The following PLEKHH3 variants were observed in gnomAD, a reference collection of about 807,000 sequenced individuals.
PLEKHH3 encodes pleckstrin homology, MyTH4 and FERM domain containing H3.
Under a neutral mutation model 77.8 loss-of-function variants are expected in PLEKHH3, and 57 were observed. That is an observed-to-expected ratio of 0.73 (90% CI 0.59 to 0.91). The LOEUF (loss-of-function observed/expected upper bound fraction) is 0.91, where lower values mean the gene tolerates loss of function less well. Ranked by LOEUF, PLEKHH3 falls within the 40% of genes least tolerant of loss-of-function variation. PLEKHH3 has a pLI of 0.00. For missense variants in PLEKHH3, 1,082 were observed against 1,091.2 expected, an observed-to-expected ratio of 0.99 and a Z score of 0.12; for synonymous variants, 467 against 504.8, an observed-to-expected ratio of 0.93 and a Z score of 1.00.
At position 42,672,066 on chromosome 17, in the gene PLEKHH3, C is replaced by T. The variant is rs1335637628; in HGVS notation, c.1076+20G>A. ...GGTAGCTCCTCGCCTAGGCCGTAAC[C>T]CCCACCTCGCCCCTCTCACCTCTCC... On this transcript the variant is annotated intron_variant, in intron 7 of 12. Coordinates refer to ENST00000591022, the MANE Select transcript of PLEKHH3 (RefSeq NM_024927.5). 2 of 1,453,394 alleles carry T rather than the reference C, an allele frequency of 1.4e-6. No individual in the cohort carries two copies. The highest frequency in any genetic ancestry group is 2.5e-5 in the East Asian group (1 of 40,010). 90.0% of individuals were successfully genotyped at this position (1,453,394 alleles called of 1,614,324 possible). A position where few individuals can be genotyped will look rare whatever the true frequency, so the allele number is the denominator to read the frequency against.
At chr17:42,674,087 C>A in intron 2 of PLEKHH3, 74 bp from the exon 3 acceptor site, 1 of 1,467,338 alleles carries the variant, frequency 6.8e-7, no homozygotes, top group Non-Finnish European at 9.4e-7. Flanking sequence ...CTCCCCAGAC[C>A]GCACGGGTGT....
rs1442670935 is a variant in PLEKHH3, at chr17:42,672,330, C to G, written c.832G>C (p.Glu278Gln). 1 of 1,547,032 alleles carries G rather than the reference C, an allele frequency of 6.5e-7. No individual in the cohort carries two copies. Among genetic ancestry groups the G allele is most frequent in the Admixed American group, 2.0e-5 (1 of 50,914 alleles). ...VRLFLALQALEGARRPGPLMQ... is the reference protein window; with the variant it reads ...VRLFLALQALQGARRPGPLMQ... ...AAGGGCCCGGGGCGCCGCGCCCCCT[C>G]CAGCGCCTGCAGCGCCAAGAACAGC... is the stretch of plus-strand genomic sequence containing the variant. The change falls in exon 7 of 13, where the codon GAG becomes CAG. Residue 278 changes from glutamate (E) to glutamine (Q), a missense_variant. By Grantham distance (29) the Glu-to-Gln change is conservative. Around this residue, in one of 3 missense-constraint regions of PLEKHH3, gnomAD observed 733 missense variants for 750.0 expected, o/e 0.98. Coordinates refer to ENST00000591022, the MANE Select transcript of PLEKHH3 (RefSeq NM_024927.5).
In PLEKHH3 at chr17:42,673,413, G is replaced by A. The variant is rs202069370; in HGVS notation, c.634C>T (p.Leu212Phe). ...CTGGTGTGTACCTGTATGTCCCTGAGCAGTAGCTGGGTGGGGGTCTCCAGG... is the reference window on the plus strand; with the variant it reads ...CTGGTGTGTACCTGTATGTCCCTGAACAGTAGCTGGGTGGGGGTCTCCAGG... ...APLETPTQLLLRDIQESCGDP... is the reference protein window; with the variant it reads ...APLETPTQLLFRDIQESCGDP... Residue 212 changes from leucine to phenylalanine, a missense_variant, in exon 5 of 13, where the codon CTC becomes TTC. Coordinates refer to ENST00000591022, the MANE Select transcript of PLEKHH3 (RefSeq NM_024927.5). The A allele has an allele frequency of 1.9e-6, 3 of 1,613,518 alleles. No individual in the cohort carries two copies. The highest frequency in any genetic ancestry group is 1.7e-5 in the Admixed American group (1 of 59,994).
intron 1 of PLEKHH3, chr17:42,675,979 A>T: frequency 7.6e-6 from 8 of 1,046,070 alleles, no homozygotes; most frequent in Non-Finnish European, 5.8e-6. Flanking sequence ...CCGCAGCGGG[A>T]GCTCTCGCAT....
Position 42,674,078 on chromosome 17 carries a change from TCC to T in PLEKHH3, c.219-67_219-66del, listed in dbSNP as rs2052767675. 1.2e-5 allele frequency: 18 copies of T among 1,505,220 alleles called. No individual in the cohort carries two copies. The South Asian group carries it at 2.0e-4, about 16-fold the overall frequency. The allele number at this position is 1,505,220 out of a possible 1,614,324, so 93.2% of individuals were successfully genotyped here. A position where few individuals can be genotyped will look rare whatever the true frequency, so the allele number is the denominator to read the frequency against. ...CTCTAGGGGGCTCCTCTGTAGGGGC[TCC>T]CCAGACCGCACGGGTGTCTGCTCCC... On this transcript the variant is annotated intron_variant, in intron 2 of 12. Transcript: ENST00000591022.
chr17:42,670,892 C>G, intron 9 of PLEKHH3, 102 bp downstream of exon 9: 2 of 1,549,812 alleles, frequency 1.3e-6, no homozygotes, highest in Non-Finnish European at 1.7e-6. Flanking sequence ...AACACCACAG[C>G]GCAGGGCCAG....
In PLEKHH3 at chr17:42,673,440, G is replaced by T; in HGVS notation, c.607C>A (p.Pro203Thr). 6.2e-7 allele frequency: 1 copy of T among 1,613,310 alleles called. No homozygotes were observed. Among genetic ancestry groups the T allele is most frequent in the Non-Finnish European group, 8.5e-7 (1 of 1,179,892 alleles). The change falls in exon 5 of 13, where the codon CCC (proline) becomes ACC (threonine). Residue 203 changes from proline (P) to threonine (T), a missense_variant. Pro to Thr is a conservative substitution (Grantham distance 38, BLOSUM62 -1). This residue lies in a region of PLEKHH3 where 344 missense variants were observed against 320.8 expected (regional missense o/e 1.07). Coordinates refer to ENST00000591022, the MANE Select transcript of PLEKHH3 (RefSeq NM_024927.5). ...AGTAGCTGGGTGGGGGTCTCCAGGG[G>T]TGCCTTGGAGGCGATCACTTCCCGC... ...ALREVIASKA[P>T]LETPTQLLLR... is the part of the protein sequence containing the mutation.
chr17:42,670,358 G>A lies in PLEKHH3; in HGVS notation c.1573C>T (p.Arg525Trp), dbSNP rs571444741. The change falls in exon 11 of 13, where the codon CGG becomes TGG. Residue 525 changes from arginine to tryptophan, a missense_variant. By Grantham distance (101) the Arg-to-Trp change is moderately radical. Around this residue, in one of 3 missense-constraint regions of PLEKHH3, gnomAD observed 733 missense variants for 750.0 expected, o/e 0.98. Coordinates refer to ENST00000591022, the MANE Select transcript of PLEKHH3 (RefSeq NM_024927.5). ...TCGTCGGGTGGGGGCGGCCGGCCCCGCAGCAGCAGAGCGTGAGCCTGCAGG... is the reference window on the plus strand; with the variant it reads ...TCGTCGGGTGGGGGCGGCCGGCCCCACAGCAGCAGAGCGTGAGCCTGCAGG... ...LFEQAHALLLRGRPPPPDDTL... is the reference protein window; with the variant it reads ...LFEQAHALLLWGRPPPPDDTL... 4.0e-5 allele frequency: 57 copies of A among 1,412,110 alleles called. No homozygotes were observed. The South Asian group carries it at 8.4e-4, about 21-fold the overall frequency. The allele number at this position is 1,412,110 out of a possible 1,614,324, so 87.5% of individuals were successfully genotyped here. A position where few individuals can be genotyped will look rare whatever the true frequency, so the allele number is the denominator to read the frequency against.
In PLEKHH3 at chr17:42,673,717, G is replaced by C. The variant is rs766227688; in HGVS notation, c.416C>G (p.Ala139Gly). 6.2e-7 allele frequency: 1 copy of C among 1,601,028 alleles called. No homozygotes were observed. Among genetic ancestry groups the C allele is most frequent in the Non-Finnish European group, 8.5e-7 (1 of 1,179,842 alleles). The change falls in exon 4 of 13, where the codon GCG (alanine) becomes GGG (glycine). Residue 139 changes from alanine (A) to glycine (G), a missense_variant. Transcript: ENST00000591022. ...GAGCACGAGGCTCCCGAGACGCCGC[G>C]CCCCTTTCCCGCTGCTGCTGAACTG... The part of the protein sequence containing the change: ...LDQFSSSGKG[A>G]RRLGSLVLTS...
At chr17:42,670,538 G>C in intron 10 of PLEKHH3, 35 bp downstream of exon 10, 1 of 1,586,900 alleles carries the variant, frequency 6.3e-7, no homozygotes, top group Non-Finnish European at 8.6e-7. Context: ...AGGCTTGGGG[G>C]TCTGTTTGGA....
chr17:42,676,315 C>G lies in PLEKHH3; in HGVS notation c.162+87G>C. 2 of 1,570,420 alleles carry G rather than the reference C, an allele frequency of 1.3e-6. No individual in the cohort carries two copies. The highest frequency in any genetic ancestry group is 1.4e-5 in the African/African-American group (1 of 73,722). ...CATCCCTAGTTCGCCAAGCGCGCAGCGTGTGGCTGGAGGCTGGAGCGGATC... is the reference window on the plus strand; with the variant it reads ...CATCCCTAGTTCGCCAAGCGCGCAGGGTGTGGCTGGAGGCTGGAGCGGATC... On this transcript the variant is annotated intron_variant, in intron 1 of 12. Transcript: ENST00000591022. This position sits in a 1 kb window ranked among gnomAD's most constrained non-coding sequence, Gnocchi z 6.6.
chr17:42,670,440 C>T (rs767064816), intron 10 of PLEKHH3, 64 bp from the exon 11 acceptor site: 795 of 1,462,504 alleles, frequency 5.4e-4, no homozygotes, highest in Non-Finnish European at 6.9e-4. Flanking sequence ...AAACGCCTCG[C>T]GGAATCTGAG....
chr17:42,674,173 C>T (rs2052769807), intron 2 of PLEKHH3, among the ~76,000 whole-genome samples, 160 bp from the exon 3 acceptor site: 1 of 152,118 alleles, frequency 6.6e-6, no homozygotes, highest in Admixed American at 6.5e-5. Context: ...CAGAAATAGC[C>T]CCGACCCCCC....
At chr17:42,672,541 G>A in intron 6 of PLEKHH3, 149 bp from the exon 7 acceptor site, 1 of 719,582 alleles carries the variant, frequency 1.4e-6, no homozygotes. Context: ...GAAGAGTGAA[G>A]GGAAAGCAGT....
rs565079473 is a variant in PLEKHH3, at chr17:42,672,434, C to T, written c.770-42G>A. On this transcript the variant is annotated intron_variant, in intron 6 of 12. Coordinates refer to ENST00000591022, the MANE Select transcript of PLEKHH3 (RefSeq NM_024927.5). ...GCGGAGGGACGGTTTGGAGAGGGGA[C>T]ACAGAGCTGCGCCCTGGGAGGAAGG... 4.5e-5 allele frequency: 65 copies of T among 1,459,374 alleles called. No homozygotes were observed. The East Asian group carries it at 1.5e-3, about 35-fold the overall frequency. The allele number at this position is 1,459,374 out of a possible 1,614,324, so 90.4% of individuals were successfully genotyped here. A position where few individuals can be genotyped will look rare whatever the true frequency, so the allele number is the denominator to read the frequency against.
Position 42,669,991 on chromosome 17 carries a change from G to A in PLEKHH3, c.1940C>T (p.Ala647Val), listed in dbSNP as rs1441927356. The change falls in exon 11 of 13, where the codon GCC becomes GTC. Residue 647 changes from alanine to valine, a missense_variant. Around this residue, in one of 3 missense-constraint regions of PLEKHH3, gnomAD observed 733 missense variants for 750.0 expected, o/e 0.98. Transcript: ENST00000591022. ...LRGMGRAEAMAAYLALAAQCP... is the reference protein window; with the variant it reads ...LRGMGRAEAMVAYLALAAQCP... The stretch of plus-strand genomic sequence containing the variant: ...CTGCGCCGCCAGGGCCAGGTAGGCG[G>A]CCATGGCCTCAGCTCGGCCCATGCC... The A allele has an allele frequency of 6.2e-7, 1 of 1,608,592 alleles. No homozygotes were observed.
In PLEKHH3 at chr17:42,673,423, G is replaced by T. The variant is rs764729241; in HGVS notation, c.624C>A (p.Thr208=). The T allele has an allele frequency of 3.1e-6, 5 of 1,613,480 alleles. No homozygotes were observed. The highest frequency in any genetic ancestry group is 4.2e-6 in the Non-Finnish European group (5 of 1,179,910). The change falls in exon 5 of 13, where the codon ACC becomes ACA. Residue 208 remains threonine, a synonymous_variant. Coordinates refer to ENST00000591022, the MANE Select transcript of PLEKHH3 (RefSeq NM_024927.5). The part of the protein sequence containing the change: ...IASKAPLETP[T]QLLLRDIQES... ...CCTGTATGTCCCTGAGCAGTAGCTG[G>T]GTGGGGGTCTCCAGGGGTGCCTTGG...
intron 6 of PLEKHH3, 81 bp from the exon 7 acceptor site, chr17:42,672,473 A>G: frequency 2.3e-6 from 3 of 1,298,262 alleles, no homozygotes; most frequent in Non-Finnish European, 3.1e-6. Context: ...GAACCAGGGG[A>G]AGGTCAGAGG....
At chr17:42,668,443 A>G (rs1037829680) in intron 12 of PLEKHH3, 140 bp from the exon 13 acceptor site, 5 of 616,248 alleles carry the variant, frequency 8.1e-6, no homozygotes, top group African/African-American at 7.8e-5. Flanking sequence ...CTTCCTTATC[A>G]CCACTCTCTC....
Sources: gnomAD v4.1 joint callset for allele counts (sites outside exome capture counted in the v4.1 genomes callset) on GRCh38, gnomAD v4.1.1 for gene constraint, gnomAD v4.1.1 regional missense constraint, Gnocchi (gnomAD v3.1) non-coding constraint, MANE v1.5 for transcripts, NCBI Gene and HGNC (gene_info 2026-07-23, HGNC 2026-07-21) for gene names.